Variants in CHD6 observed in about 807,000 individuals in gnomAD.
The protein encoded by CHD6 is chromodomain helicase DNA binding protein 6.
A neutral mutation model predicts 276.9 loss-of-function variants in CHD6; 50 were observed. The observed-to-expected ratio is 0.18, with a 90% confidence interval of 0.14 to 0.23. The LOEUF is 0.23. Among genes scored for constraint, CHD6 ranks in the 10% least tolerant of loss-of-function variants. The pLI is 1.00. For missense variants in CHD6, 2,564 were observed against 3,365.8 expected (o/e 0.76, Z 5.89); for synonymous variants, 1,173 against 1,229.3 (o/e 0.95, Z 0.96).
chr20:41,467,701 C>A (rs1431082240), intron 17 of CHD6, among the ~76,000 whole-genome samples: 1 of 151,166 alleles, frequency 6.6e-6, no homozygotes, highest in African/African-American at 2.4e-5. Context: ...AAGACCCTCT[C>A]TGGGGTTAAA....
At chr20:41,548,894 G>A (rs1434262429) in intron 2 of CHD6, among the ~76,000 whole-genome samples, 2 of 151,884 alleles carry the variant, frequency 1.3e-5, no homozygotes, top group African/African-American at 4.8e-5. Flanking sequence ...ATGAAAAAAT[G>A]CTCATCATCA....
intron 1 of CHD6, among the ~76,000 whole-genome samples, chr20:41,562,212 A>G (rs1475814284): frequency 1.3e-5 from 2 of 152,036 alleles, no homozygotes; most frequent in Admixed American, 6.5e-5. Context: ...TTAACATTCA[A>G]TAATTCTTTT....
chr20:41,564,013 G>A, intron 1 of CHD6: 1 of 776,086 alleles, frequency 1.3e-6, no homozygotes, highest in East Asian at 2.4e-5. Flanking sequence ...AGCAGTACCT[G>A]TAGACTTGGG....
intron 1 of CHD6, among the ~76,000 whole-genome samples, chr20:41,589,844 C>T (rs967939630): frequency 3.9e-5 from 6 of 152,162 alleles, no homozygotes; most frequent in Non-Finnish European, 8.8e-5. Flanking sequence ...TCACTTTCTT[C>T]ACAGAATTGG....
chr20:41,544,437 C>A (rs1387356947), intron 2 of CHD6, among the ~76,000 whole-genome samples: 1 of 152,092 alleles, frequency 6.6e-6, no homozygotes, highest in Non-Finnish European at 1.5e-5. Context: ...TTTTAAGTAG[C>A]CTTTTTTATG....
At chr20:41,483,255 C>A in intron 16 of CHD6, 54 bp downstream of exon 16, 1 of 1,441,782 alleles carries the variant, frequency 6.9e-7, no homozygotes, top group South Asian at 1.5e-5. Flanking sequence ...AAAAAAATAT[C>A]AAAGGAAAGG....
At chr20:41,410,898 C>T (rs1266022655) in intron 36 of CHD6, among the ~76,000 whole-genome samples, 1 of 152,014 alleles carries the variant, frequency 6.6e-6, no homozygotes, top group Non-Finnish European at 1.5e-5. Context: ...CCCTTGATGG[C>T]GTATCTGAGA....
intron 5 of CHD6, among the ~76,000 whole-genome samples, chr20:41,508,477 G>A (rs146113494): frequency 6.6e-6 from 1 of 152,284 alleles, no homozygotes; most frequent in Admixed American, 6.5e-5. Flanking sequence ...GGAGAGCAGA[G>A]ACTTGTGGCA....
chr20:41,592,204 AAAAAC>A (rs1431084513), intron 1 of CHD6, among the ~76,000 whole-genome samples: 3 of 152,206 alleles, frequency 2.0e-5, no homozygotes, highest in East Asian at 1.9e-4. Flanking sequence ...TCATGGTTTA[AAAAAC>A]AAAACAAAAC....
rs1329285341 is a variant in CHD6, at chr20:41,554,801, C to A, written c.-23-3441G>T. Among the ~76,000 whole-genome samples the A allele has an allele frequency of 6.6e-5, 10 of 152,316 alleles. No individual in the cohort carries two copies. The East Asian group carries it at 1.9e-3, about 29-fold the overall frequency. ...ACCTCTTTCTACACAGACACGGCAACCATCCGATTTCTCAATGTTTTCCCC... is the reference window on the plus strand; with the variant it reads ...ACCTCTTTCTACACAGACACGGCAAACATCCGATTTCTCAATGTTTTCCCC... On this transcript the variant is annotated intron_variant, in intron 1 of 36. Coordinates refer to ENST00000373233, the MANE Select transcript of CHD6 (RefSeq NM_032221.5).
intron 17 of CHD6, among the ~76,000 whole-genome samples, chr20:41,469,060 A>G (rs1329569777): frequency 6.6e-6 from 1 of 152,158 alleles, no homozygotes; most frequent in African/African-American, 2.4e-5. Flanking sequence ...GAAGAGGCAC[A>G]GGGGTCCAAT....
In CHD6 at chr20:41,512,936, T is replaced by G; in HGVS notation, c.762A>C (p.Lys254Asn). Residue 254 changes from lysine to asparagine, a missense_variant, in exon 5 of 37, where the codon AAA (lysine) becomes AAC (asparagine). Physicochemically the swap from Lys to Asn is moderately conservative, Grantham distance 94. Around this residue, in one of 7 missense-constraint regions of CHD6, gnomAD observed 457 missense variants for 889.0 expected, o/e 0.51. Transcript: ENST00000373233. Reference sequence around the variant, plus strand: ...TTGTTTCCCCATCATCATCCACCACTTTGAAGTCCAGGTCCTCATTGTATT... The same window carrying G: ...TTGTTTCCCCATCATCATCCACCACGTTGAAGTCCAGGTCCTCATTGTATT... The part of the protein sequence containing the change: ...RRKYNEDLDF[K>N]VVDDDGETIA... 2 of 1,614,064 alleles carry G rather than the reference T, an allele frequency of 1.2e-6. No homozygotes were observed. Among genetic ancestry groups the G allele is most frequent in the Non-Finnish European group, 1.7e-6 (2 of 1,179,958 alleles).
At chr20:41,408,588 C>CACA in intron 36 of CHD6, among the ~76,000 whole-genome samples, 1 of 152,306 alleles carries the variant, frequency 6.6e-6, no homozygotes, top group African/African-American at 2.4e-5. Context: ...GGCATGGCAC[C>CACA]ACAGCCCAGG....
Position 41,533,059 on chromosome 20 carries a change from C to G in CHD6, c.545G>C (p.Arg182Thr). ...CTDSAARTKS[R>T]KASKEQGPTP... Reference sequence around the variant, plus strand: ...GGAGAAAGGAACGTACCTGGCCTTCCTGGACTTCGTCCTGGCTGCAGAGTC... The same window carrying G: ...GGAGAAAGGAACGTACCTGGCCTTCGTGGACTTCGTCCTGGCTGCAGAGTC... The change falls in exon 3 of 37, where the codon AGG becomes ACG. Residue 182 changes from arginine to threonine, a missense_variant. By Grantham distance (71) the Arg-to-Thr change is moderately conservative. Around this residue, in one of 7 missense-constraint regions of CHD6, gnomAD observed 286 missense variants for 297.8 expected, o/e 0.96. Coordinates refer to ENST00000373233, the MANE Select transcript of CHD6 (RefSeq NM_032221.5). 1.9e-6 allele frequency: 3 copies of G among 1,593,034 alleles called. No individual in the cohort carries two copies. The highest frequency in any genetic ancestry group is 2.6e-6 in the Non-Finnish European group (3 of 1,173,542).
intron 3 of CHD6, among the ~76,000 whole-genome samples, chr20:41,529,534 T>C (rs990586657): frequency 7.2e-5 from 11 of 152,122 alleles, no homozygotes; most frequent in African/African-American, 2.4e-4. Flanking sequence ...GGGGAAACTC[T>C]GATATATATC....
chr20:41,582,053 T>C (rs934918445), intron 1 of CHD6, among the ~76,000 whole-genome samples: 2 of 152,172 alleles, frequency 1.3e-5, no homozygotes, highest in African/African-American at 2.4e-5. Context: ...ACAGAGACAA[T>C]CTTCCCAAAA....
At chr20:41,603,376 T>C (rs2045792819) in intron 1 of CHD6, among the ~76,000 whole-genome samples, 1 of 152,086 alleles carries the variant, frequency 6.6e-6, no homozygotes, top group African/African-American at 2.4e-5. Flanking sequence ...GAATTAACAA[T>C]GCAAACATAT....
At position 41,416,888 on chromosome 20, in the gene CHD6, G is replaced by A. The variant is rs2047016417; in HGVS notation, c.6280-94C>T. 2.8e-6 allele frequency: 3 copies of A among 1,081,806 alleles called. No homozygotes were observed. The South Asian group carries it at 5.2e-5, about 19-fold the overall frequency. 67.0% of individuals were successfully genotyped at this position (1,081,806 alleles called of 1,614,324 possible). A position where few individuals can be genotyped will look rare whatever the true frequency, so the allele number is the denominator to read the frequency against. The stretch of plus-strand genomic sequence containing the variant: ...CAAGGGTTAAGCTTTTCACCAGAAG[G>A]AGTCGATAAGAAAAGAGCACACTCA... On this transcript the variant is annotated intron_variant, in intron 32 of 36. Transcript: ENST00000373233.
chr20:41,472,010 G>A (rs1056310986), intron 17 of CHD6, among the ~76,000 whole-genome samples: 7 of 151,918 alleles, frequency 4.6e-5, no homozygotes, highest in African/African-American at 1.7e-4. Flanking sequence ...GAGGCGGGCG[G>A]ATCACCTGAG....
Sources: gnomAD v4.1 joint callset for allele counts (sites outside exome capture counted in the v4.1 genomes callset) on GRCh38, gnomAD v4.1.1 for gene constraint, gnomAD v4.1.1 regional missense constraint, MANE v1.5 for transcripts, NCBI Gene and HGNC (gene_info 2026-07-23, HGNC 2026-07-21) for gene names.